ARB2A: variants seen among roughly 807,000 people sequenced by gnomAD.
ARB2A encodes cotranscriptional regulator ARB2A.
At chr5:93,852,282 C>A in the ARB2A span, among the ~76,000 whole-genome samples, 1 of 152,038 alleles carries the variant, frequency 6.6e-6, no homozygotes, top group Admixed American at 6.6e-5. Context: ...ATATCCTTTG[C>A]CCACTTTTTG....
At chr5:93,825,965 C>A in the ARB2A span, among the ~76,000 whole-genome samples, 8 of 151,804 alleles carry the variant, frequency 5.3e-5, no homozygotes, top group East Asian at 1.5e-3. Flanking sequence ...AAAGCATTTT[C>A]TATACAGATT....
At chr5:93,751,751 C>A in the ARB2A span, among the ~76,000 whole-genome samples, 1 of 152,070 alleles carries the variant, frequency 6.6e-6, no homozygotes, top group Non-Finnish European at 1.5e-5. Flanking sequence ...TCTTTGAAGA[C>A]GTATGTTTTG....
chr5:93,679,578 GCAGT>G, the ARB2A span, among the ~76,000 whole-genome samples: 1 of 152,002 alleles, frequency 6.6e-6, no homozygotes, highest in Non-Finnish European at 1.5e-5. Context: ...ATTTTCTTAT[GCAGT>G]AACACCACAA....
the ARB2A span, among the ~76,000 whole-genome samples, chr5:93,638,128 T>C: frequency 6.6e-6 from 1 of 152,210 alleles, no homozygotes; most frequent in Non-Finnish European, 1.5e-5. Context: ...TTCCTAAACA[T>C]TGCCATATGT....
the ARB2A span, among the ~76,000 whole-genome samples, chr5:93,689,399 A>G: frequency 6.6e-6 from 1 of 152,210 alleles, no homozygotes; most frequent in East Asian, 1.9e-4. Flanking sequence ...AGGGTATTAT[A>G]TAAAAAACTG....
the ARB2A span, among the ~76,000 whole-genome samples, chr5:93,922,066 T>C: frequency 2.2e-4 from 34 of 152,098 alleles, no homozygotes; most frequent in African/African-American, 8.0e-4. Flanking sequence ...GAAAGCATTG[T>C]CAATGCCATA....
At chr5:93,779,124 T>C in the ARB2A span, among the ~76,000 whole-genome samples, 3,889 of 146,288 alleles carry the variant, frequency 0.027, 65 homozygotes, top group East Asian at 0.059. Context: ...TGTGTGTGTG[T>C]GCGCGCGCGC....
the ARB2A span, among the ~76,000 whole-genome samples, chr5:94,099,058 A>T: frequency 1.3e-5 from 2 of 152,166 alleles, no homozygotes; most frequent in Non-Finnish European, 2.9e-5. Context: ...TACAAAAAAG[A>T]GCTGGTACCA....
At chr5:93,719,992 T>G in the ARB2A span, among the ~76,000 whole-genome samples, 1 of 152,194 alleles carries the variant, frequency 6.6e-6, no homozygotes, top group Non-Finnish European at 1.5e-5. Flanking sequence ...TTTTTGCTGT[T>G]TTCCCTTATC....
chr5:93,939,166 ATTTTTTT>A, the ARB2A span, among the ~76,000 whole-genome samples: 1 of 151,708 alleles, frequency 6.6e-6, no homozygotes, highest in African/African-American at 2.4e-5. Context: ...CTTTCAAATA[ATTTTTTT>A]TTAAATCAAA....
the ARB2A span, among the ~76,000 whole-genome samples, chr5:93,884,088 C>A: frequency 2.6e-5 from 4 of 151,512 alleles, no homozygotes; most frequent in Non-Finnish European, 5.9e-5. Flanking sequence ...AATTCAAAAA[C>A]TTCACTCAAG....
At chr5:93,905,576 A>C in the ARB2A span, among the ~76,000 whole-genome samples, 2 of 151,654 alleles carry the variant, frequency 1.3e-5, no homozygotes, top group African/African-American at 4.8e-5. Context: ...TGTACTGTTA[A>C]AATAAGAGTC....
the ARB2A span, among the ~76,000 whole-genome samples, chr5:94,005,827 A>G: frequency 6.6e-6 from 1 of 152,186 alleles, no homozygotes; most frequent in African/African-American, 2.4e-5. Flanking sequence ...TCAAACCATA[A>G]TGAAATATCA....
chr5:93,735,111 T>C, the ARB2A span: 15 of 152,230 alleles, frequency 9.9e-5, no homozygotes, highest in African/African-American at 3.6e-4. Flanking sequence ...TTTAACATTG[T>C]TAACTACTTA....
At chr5:93,965,905 G>A in the ARB2A span, among the ~76,000 whole-genome samples, 1 of 152,006 alleles carries the variant, frequency 6.6e-6, no homozygotes. Context: ...TATATTAGAT[G>A]TATGCTAGAA....
At chr5:93,749,954 T>A in the ARB2A span, among the ~76,000 whole-genome samples, 1 of 152,192 alleles carries the variant, frequency 6.6e-6, no homozygotes, top group East Asian at 1.9e-4. Context: ...ACCACCCATT[T>A]CAATGATCAT....
the ARB2A span, among the ~76,000 whole-genome samples, chr5:93,902,874 T>C: frequency 6.6e-6 from 1 of 152,092 alleles, no homozygotes; most frequent in East Asian, 1.9e-4. Context: ...ATCTTGCAGA[T>C]GTCACTCCAC....
the ARB2A span, among the ~76,000 whole-genome samples, chr5:93,895,899 T>C: frequency 6.6e-6 from 1 of 151,962 alleles, no homozygotes; most frequent in Non-Finnish European, 1.5e-5. Flanking sequence ...AGTTTTTATT[T>C]TAAAATTAAC....
the ARB2A span, among the ~76,000 whole-genome samples, chr5:93,867,032 C>A: frequency 1.3e-5 from 2 of 151,920 alleles, no homozygotes; most frequent in Non-Finnish European, 2.9e-5. Flanking sequence ...AGCAACATTA[C>A]AAAAACATGA....
Sources: gnomAD v4.1 joint callset for allele counts (sites outside exome capture counted in the v4.1 genomes callset) on GRCh38, gnomAD v4.1.1 for gene constraint, MANE v1.5 for transcripts, NCBI Gene and HGNC (gene_info 2026-07-23, HGNC 2026-07-21) for gene names.